CHD1: variants seen among roughly 807,000 people sequenced by gnomAD.
CHD1 encodes ATP-dependent chromatin remodeler CHD1.
In CHD1, 36 loss-of-function variants were observed where a neutral mutation model predicts 224.2. The ratio of observed to expected loss-of-function variants is 0.16; its 90% CI spans 0.12 to 0.21. CHD1 has a LOEUF of 0.21. Ranked by LOEUF, CHD1 falls within the 10% of genes least tolerant of loss-of-function variation. The pLI is 1.00. For missense variants in CHD1, 1,378 were observed against 1,994.8 expected (o/e 0.69, Z 5.89); for synonymous variants, 668 against 658.3 (o/e 1.01, Z -0.23).
intron 2 of CHD1, among the ~76,000 whole-genome samples, chr5:98,909,459 G>A (rs1369434467): frequency 6.6e-6 from 1 of 152,068 alleles, no homozygotes; most frequent in African/African-American, 2.4e-5. Context: ...TGTGGATTCA[G>A]GTACTGCCAG....
At chr5:98,888,563 C>G (rs973953908) in intron 16 of CHD1, among the ~76,000 whole-genome samples, 1 of 152,148 alleles carries the variant, frequency 6.6e-6, no homozygotes, top group South Asian at 2.1e-4. Flanking sequence ...GAAGCAGCAG[C>G]AACTAAGCAA....
At chr5:98,889,553 T>C (rs1414409724) in intron 15 of CHD1, among the ~76,000 whole-genome samples, 2 of 150,912 alleles carry the variant, frequency 1.3e-5, no homozygotes, top group African/African-American at 4.9e-5. Context: ...CTTACAACTT[T>C]TACTGCATTA....
rs1333454417 is a variant in CHD1 at position 98,885,653 on chromosome 5, GA to G, written c.2497-5del. 5 of 1,520,948 alleles carry G rather than the reference GA, an allele frequency of 3.3e-6. No homozygotes were observed. The highest frequency in any genetic ancestry group is 2.3e-5 in the East Asian group (1 of 44,236). The allele number at this position is 1,520,948 out of a possible 1,614,324, so 94.2% of individuals were successfully genotyped here. A position where few individuals can be genotyped will look rare whatever the true frequency, so the allele number is the denominator to read the frequency against. On this transcript the variant is annotated splice_polypyrimidine_tract_variant and splice_region_variant and intron_variant, in intron 17 of 35. Transcript: ENST00000614616. ...CTTTTATTGATCCATCTAATCTCTA[GA>G]AAAAAACACATTAAAATACTGCATA...
rs1751336792 is a variant in CHD1 at position 98,896,210 on chromosome 5, C to T, written c.1710+16G>A. Reference sequence around the variant, plus strand: ...AAGTACATTTTGATTTCTACATTTACAGGGAAACAACTTACCATGTTTCTG... The same window carrying T: ...AAGTACATTTTGATTTCTACATTTATAGGGAAACAACTTACCATGTTTCTG... On this transcript the variant is annotated intron_variant, in intron 12 of 35. Transcript: ENST00000614616. 6 of 1,590,122 alleles carry T rather than the reference C, an allele frequency of 3.8e-6. No individual in the cohort carries two copies. Among genetic ancestry groups the T allele is most frequent in the Non-Finnish European group, 5.2e-6 (6 of 1,158,388 alleles).
chr5:98,861,963 C>G (rs530081188), intron 32 of CHD1, among the ~76,000 whole-genome samples: 115 of 152,212 alleles, frequency 7.6e-4, no homozygotes, highest in African/African-American at 2.6e-3. Flanking sequence ...TCAACACCAG[C>G]CTGGCTGACA....
intron 2 of CHD1, among the ~76,000 whole-genome samples, chr5:98,914,103 G>A (rs1230509754): frequency 6.6e-6 from 1 of 152,122 alleles, no homozygotes; most frequent in East Asian, 1.9e-4. Flanking sequence ...GTAGTCATGT[G>A]AGTAGGTTCT....
At position 98,901,101 on chromosome 5, in the gene CHD1, A is replaced by G; in HGVS notation, c.588-19T>C. Reference sequence around the variant, plus strand: ...CTTAGATCTAGGAAAGTGCAAAGAGAAAAAAAAACAAGATTTGAGAAACTA... The same window carrying G: ...CTTAGATCTAGGAAAGTGCAAAGAGGAAAAAAAACAAGATTTGAGAAACTA... On this transcript the variant is annotated intron_variant, in intron 6 of 35. Coordinates refer to ENST00000614616, the MANE Select transcript of CHD1 (RefSeq NM_001270.4). 3 of 1,558,850 alleles carry G rather than the reference A, an allele frequency of 1.9e-6. No individual in the cohort carries two copies. The highest frequency in any genetic ancestry group is 2.6e-6 in the Non-Finnish European group (3 of 1,158,764).
intron 4 of CHD1, among the ~76,000 whole-genome samples, chr5:98,903,497 T>C (rs1294871179): frequency 1.3e-5 from 2 of 151,708 alleles, no homozygotes; most frequent in Non-Finnish European, 2.9e-5. Flanking sequence ...TATATGCGTG[T>C]AGGTGCATAT....
At chr5:98,874,823 C>T (rs946287373) in intron 25 of CHD1, among the ~76,000 whole-genome samples, 3 of 151,994 alleles carry the variant, frequency 2.0e-5, no homozygotes, top group Non-Finnish European at 4.4e-5. Flanking sequence ...TAAAAAGTGC[C>T]TTACCGTCAT....
chr5:98,897,912 T>G (rs188714447), intron 10 of CHD1, among the ~76,000 whole-genome samples: 23 of 152,278 alleles, frequency 1.5e-4, no homozygotes, highest in Non-Finnish European at 2.6e-4. Context: ...TTCCAAGGGT[T>G]TTTTTCTGTT....
In CHD1 at chr5:98,881,356, C is replaced by A. The variant is rs1186747852; in HGVS notation, c.2887G>T (p.Glu963Ter). 6.6e-7 allele frequency: 1 copy of A among 1,517,224 alleles called. No individual in the cohort carries two copies. Among genetic ancestry groups the A allele is most frequent in the African/African-American group, 1.4e-5 (1 of 69,288 alleles). 94.0% of individuals were successfully genotyped at this position (1,517,224 alleles called of 1,614,324 possible). The change falls in exon 21 of 36, where the codon GAA becomes TAA. Residue 963 changes from glutamate to a stop codon, truncating the protein, a stop_gained. Coordinates refer to ENST00000614616, the MANE Select transcript of CHD1 (RefSeq NM_001270.4). LOFTEE classifies it high-confidence loss of function. ...AACTTTAAAATGGCTGATAACTCTT[C>A]TTTATTGAAAGGAGTAGAACTAAAA... ...APSSSTPFNK[E>*]ELSAILKFGA...
intron 1 of CHD1, among the ~76,000 whole-genome samples, chr5:98,927,405 C>G (rs1753543095): frequency 2.0e-5 from 3 of 152,044 alleles, no homozygotes; most frequent in Admixed American, 6.5e-5. Flanking sequence ...CCGAGACAGC[C>G]AACTGAGAGC....
intron 23 of CHD1, among the ~76,000 whole-genome samples, chr5:98,879,158 C>A (rs957829222): frequency 6.6e-6 from 1 of 152,016 alleles, no homozygotes; most frequent in East Asian, 1.9e-4. Flanking sequence ...CATCTGAGGC[C>A]GGGAGGTTAA....
chr5:98,875,632 G>A (rs888317586), intron 24 of CHD1, among the ~76,000 whole-genome samples: 4 of 152,136 alleles, frequency 2.6e-5, no homozygotes, highest in Admixed American at 2.0e-4. Context: ...CTCAACTAAA[G>A]ACGAAAAGTA....
At chr5:98,896,552 T>C in intron 11 of CHD1, 110 bp from the exon 12 acceptor site, 1 of 679,460 alleles carries the variant, frequency 1.5e-6, no homozygotes, top group Non-Finnish European at 2.5e-6. Flanking sequence ...TTGATAGGTA[T>C]TATATAGAAT....
At position 98,899,471 on chromosome 5, in the gene CHD1, C is replaced by A; in HGVS notation, c.1085+9G>T. Reference sequence around the variant, plus strand: ...ATTAAAAGAAGTATATGATATACAGCATACTTACCATCTTTTTGTTTCCTG... The same window carrying A: ...ATTAAAAGAAGTATATGATATACAGAATACTTACCATCTTTTTGTTTCCTG... On this transcript the variant is annotated intron_variant, in intron 8 of 35. Coordinates refer to ENST00000614616, the MANE Select transcript of CHD1 (RefSeq NM_001270.4). The A allele has an allele frequency of 6.8e-7, 1 of 1,480,436 alleles. No homozygotes were observed. The highest frequency in any genetic ancestry group is 9.4e-7 in the Non-Finnish European group (1 of 1,061,642). 91.7% of individuals were successfully genotyped at this position (1,480,436 alleles called of 1,614,324 possible).
At chr5:98,871,789 G>T (rs1244178558) in intron 28 of CHD1, among the ~76,000 whole-genome samples, 2 of 151,962 alleles carry the variant, frequency 1.3e-5, no homozygotes, top group African/African-American at 4.8e-5. Context: ...GCTAATGATG[G>T]AATAAGACTT....
intron 24 of CHD1, 55 bp from the exon 25 acceptor site, chr5:98,875,168 AC>A: frequency 1.0e-6 from 1 of 967,242 alleles, no homozygotes; most frequent in Non-Finnish European, 1.6e-6. Context: ...CTAAAATTAT[AC>A]GTATTTCTGA....
chr5:98,918,387 A>G (rs1291628828), intron 2 of CHD1, among the ~76,000 whole-genome samples: 1 of 151,762 alleles, frequency 6.6e-6, no homozygotes, highest in Non-Finnish European at 1.5e-5. Context: ...AATAAACCTC[A>G]GGTAAAGAAC....
Sources: allele counts gnomAD v4.1 joint callset (sites outside exome capture counted in the v4.1 genomes callset), GRCh38; gene constraint gnomAD v4.1.1; transcripts MANE v1.5; gene names NCBI Gene and HGNC (gene_info 2026-07-23, HGNC 2026-07-21).